The following PPP1R13B variants were observed in gnomAD, a reference collection of about 807,000 sequenced individuals.
The protein encoded by PPP1R13B is protein phosphatase 1 regulatory subunit 13B, also known as apoptosis-stimulating of p53 protein 1.
A neutral mutation model predicts 119.8 loss-of-function variants in PPP1R13B; 44 were observed. That is an observed-to-expected ratio of 0.37 (90% CI 0.29 to 0.47). PPP1R13B has a LOEUF of 0.47. PPP1R13B is among the 20% of genes least tolerant of loss of function. The pLI is 0.99. For missense variants in PPP1R13B, 1,227 were observed against 1,413.5 expected (o/e 0.87, Z 2.12); for synonymous variants, 542 against 561.5 (o/e 0.97, Z 0.49).
chr14:103,783,419 C>T (rs535172668), intron 3 of PPP1R13B, among the ~76,000 whole-genome samples: 200 of 151,696 alleles, frequency 1.3e-3, no homozygotes, highest in African/African-American at 4.5e-3. Context: ...ACCACCACAT[C>T]GGGCTAATTT....
At position 103,740,216 on chromosome 14, in the gene PPP1R13B, C is replaced by T; in HGVS notation, c.2200G>A (p.Ala734Thr). The change falls in exon 12 of 17, where the codon GCC (alanine) becomes ACC (threonine). Residue 734 changes from alanine to threonine, a missense_variant. Physicochemically the swap from Ala to Thr is moderately conservative, Grantham distance 58 (BLOSUM62 0). Coordinates refer to ENST00000202556, the MANE Select transcript of PPP1R13B (RefSeq NM_015316.3). This position sits in a 1 kb window ranked among gnomAD's most constrained non-coding sequence, Gnocchi z 4.6. ...AAAGGGGTGCCCTCCATGCCACCGG[C>T]CAGGGTGTTGAAGCGCTGGTACAGC... ...KLLYQRFNTL[A>T]GGMEGTPFYQ... is the part of the protein sequence containing the mutation. The T allele has an allele frequency of 6.2e-7, 1 of 1,613,680 alleles. No homozygotes were observed. Among genetic ancestry groups the T allele is most frequent in the Non-Finnish European group, 8.5e-7 (1 of 1,179,908 alleles).
chr14:103,749,839 C>T lies in PPP1R13B; in HGVS notation c.924G>A (p.Lys308=). ...KRNMEVAMMD[K]RISELRERLY... ...GACGTTCACGCAGTTCACTGATTCG[C>T]TTGTCCATCATGGCCACCTCCATGT... Residue 308 remains lysine (K), a synonymous_variant, in exon 8 of 17, where the codon AAG becomes AAA. Transcript: ENST00000202556. 7 of 1,614,130 alleles carry T rather than the reference C, an allele frequency of 4.3e-6. No homozygotes were observed. Among genetic ancestry groups the T allele is most frequent in the Non-Finnish European group, 4.2e-6 (5 of 1,180,018 alleles).
At chr14:103,735,964 C>T (rs1422780439) in intron 16 of PPP1R13B, 39 bp downstream of exon 16, 17 of 1,605,632 alleles carry the variant, frequency 1.1e-5, no homozygotes, top group Middle Eastern at 1.7e-4. Flanking sequence ...TACAGAGACA[C>T]GGGCAGCTAG....
intron 16 of PPP1R13B, 132 bp downstream of exon 16, chr14:103,735,870 TC>T: frequency 4.2e-6 from 4 of 963,548 alleles, no homozygotes; most frequent in Non-Finnish European, 6.2e-6. Flanking sequence ...AGTAGGCACC[TC>T]CCCCTCTACA....
intron 1 of PPP1R13B, among the ~76,000 whole-genome samples, chr14:103,812,133 T>G (rs905160755): frequency 1.9e-4 from 28 of 148,136 alleles, no homozygotes; most frequent in African/African-American, 6.1e-4. Flanking sequence ...TGTGGTTTTT[T>G]TTTTTTTTTT....
chr14:103,803,644 AAAATAAAT>A (rs992152306), intron 1 of PPP1R13B, among the ~76,000 whole-genome samples: 1 of 152,088 alleles, frequency 6.6e-6, no homozygotes, highest in Non-Finnish European at 1.5e-5. Flanking sequence ...CTCCGTCTCA[AAAATAAAT>A]AAATAAATAA....
rs191070268 is a variant in PPP1R13B, at chr14:103,810,824, C to T, written c.10-13306G>A. Among the ~76,000 whole-genome samples the T allele has an allele frequency of 6.5e-3, 977 of 150,920 alleles. 11 individuals are homozygous for T. The highest frequency in any genetic ancestry group is 0.023 in the African/African-American group (943 of 41,056). The stretch of plus-strand genomic sequence containing the variant: ...CTGCTTGAGGCTAGGTGTGGTGGCT[C>T]GTGCTTGTAATCCCAGCACTTTGGG... On this transcript the variant is annotated intron_variant, in intron 1 of 16. Coordinates refer to ENST00000202556, the MANE Select transcript of PPP1R13B (RefSeq NM_015316.3).
chr14:103,769,793 C>G (rs1235614770), intron 4 of PPP1R13B, among the ~76,000 whole-genome samples: 1 of 152,138 alleles, frequency 6.6e-6, no homozygotes, highest in Non-Finnish European at 1.5e-5. Context: ...TATCAAGATA[C>G]CTTATGAACA....
chr14:103,820,453 C>T (rs1296499303), intron 1 of PPP1R13B, among the ~76,000 whole-genome samples: 1 of 151,040 alleles, frequency 6.6e-6, no homozygotes, highest in Non-Finnish European at 1.5e-5. Context: ...GTATTTTTGA[C>T]ACAAAAATAA....
intron 1 of PPP1R13B, among the ~76,000 whole-genome samples, chr14:103,831,312 CTT>C (rs1210325705): frequency 7.3e-5 from 9 of 123,224 alleles, no homozygotes; most frequent in East Asian, 2.5e-4. Context: ...CATTCTTTTA[CTT>C]TTTTTTTTTT....
rs1364116247 is a variant in PPP1R13B, at chr14:103,818,493, A to G, written c.10-20975T>C. The G allele has an allele frequency of 9.2e-6, 9 of 982,678 alleles. No homozygotes were observed. The African/African-American group carries it at 1.4e-4, about 15-fold the overall frequency. The allele number at this position is 982,678 out of a possible 1,614,324, so 60.9% of individuals were successfully genotyped here. ...TATTGTCAGGTACCTGTTTTCACAC[A>G]GGGAGAAGAACGAATATTTTCTTGG... On this transcript the variant is annotated intron_variant, in intron 1 of 16. Transcript: ENST00000202556.
In PPP1R13B at chr14:103,738,467, C is replaced by T. The variant is rs1040916420; in HGVS notation, c.2864+212G>A. ...ATGACGAGGCACAGAAAGAGCATAA[C>T]CACAGCCACGTTTTTAACAAAATCA... On this transcript the variant is annotated intron_variant, in intron 14 of 16. Transcript: ENST00000202556. The surrounding 1 kb of genome is among the most constrained non-coding windows in gnomAD (Gnocchi z 5.6). The T allele has an allele frequency of 2.9e-6, 2 of 692,786 alleles. No homozygotes were observed. Among genetic ancestry groups the T allele is most frequent in the African/African-American group, 3.6e-5 (2 of 55,570 alleles). The allele number at this position is 692,786 out of a possible 1,614,324, so 42.9% of individuals were successfully genotyped here.
At chr14:103,782,361 A>G (rs2085357229) in intron 3 of PPP1R13B, among the ~76,000 whole-genome samples, 1 of 152,198 alleles carries the variant, frequency 6.6e-6, no homozygotes, top group Non-Finnish European at 1.5e-5. Flanking sequence ...TGCTGTGTAG[A>G]TGGACCCTAA....
In PPP1R13B at chr14:103,736,126, G is replaced by C; in HGVS notation, c.3108C>G (p.Asp1036Glu). ...CGTCCCCTTCGTGGAAGGACAGCTC[G>C]TCACTGTTCTGGGCCTCGTAGTCCC... is the stretch of plus-strand genomic sequence containing the variant. ...ALWDYEAQNS[D>E]ELSFHEGDAL... Residue 1036 changes from aspartate (D) to glutamate (E), a missense_variant, in exon 16 of 17, where the codon GAC becomes GAG. Physicochemically the swap from Asp to Glu is conservative, Grantham distance 45. Transcript: ENST00000202556. 1 of 1,614,216 alleles carries C rather than the reference G, an allele frequency of 6.2e-7. No homozygotes were observed. Among genetic ancestry groups the C allele is most frequent in the South Asian group, 1.1e-5 (1 of 91,088 alleles).
chr14:103,846,350 T>C (rs2087032489), intron 1 of PPP1R13B, among the ~76,000 whole-genome samples: 1 of 152,218 alleles, frequency 6.6e-6, no homozygotes, highest in Non-Finnish European at 1.5e-5. Flanking sequence ...CATAGCAGAA[T>C]GGCAATATTC....
chr14:103,827,293 G>A (rs12436297), intron 1 of PPP1R13B, among the ~76,000 whole-genome samples: 6,684 of 152,186 alleles, frequency 0.044, 188 homozygotes, highest in Middle Eastern at 0.11. Flanking sequence ...CAGAGATCGC[G>A]CCACTGCACT....
At position 103,736,049 on chromosome 14, in the gene PPP1R13B, G is replaced by A; in HGVS notation, c.3185C>T (p.Ala1062Val). The A allele has an allele frequency of 6.2e-7, 1 of 1,614,180 alleles. No homozygotes were observed. Among genetic ancestry groups the A allele is most frequent in the Admixed American group, 1.7e-5 (1 of 60,028 alleles). The change falls in exon 16 of 17, where the codon GCT (alanine) becomes GTT (valine). Residue 1062 changes from alanine (A) to valine (V), a missense_variant. Ala to Val is a moderately conservative substitution (Grantham distance 64, BLOSUM62 0). Coordinates refer to ENST00000202556, the MANE Select transcript of PPP1R13B (RefSeq NM_015316.3). Reference protein sequence around the residue: ...KDESETEWWWARLGDREGYVP... With the variant: ...KDESETEWWWVRLGDREGYVP... ...ATAGCCCTCCCGGTCTCCAAGGCGAGCCCACCACCACTCAGTCTCGCTTTC... is the reference window on the plus strand; with the variant it reads ...ATAGCCCTCCCGGTCTCCAAGGCGAACCCACCACCACTCAGTCTCGCTTTC...
Position 103,742,327 on chromosome 14 carries a change from C to A in PPP1R13B, c.1321-36G>T. The A allele has an allele frequency of 6.6e-7, 1 of 1,510,182 alleles. No homozygotes were observed. Among genetic ancestry groups the A allele is most frequent in the South Asian group, 1.3e-5 (1 of 76,608 alleles). 93.5% of individuals were successfully genotyped at this position (1,510,182 alleles called of 1,614,324 possible). ...GTGTTAAGAAGAAAAACAAAGTCACCCTTTGAACAGTTAAGAATATTTCCA... is the reference window on the plus strand; with the variant it reads ...GTGTTAAGAAGAAAAACAAAGTCACACTTTGAACAGTTAAGAATATTTCCA... On this transcript the variant is annotated intron_variant, in intron 10 of 16. Transcript: ENST00000202556. The surrounding 1 kb of genome is among the most constrained non-coding windows in gnomAD (Gnocchi z 4.9).
intron 1 of PPP1R13B, among the ~76,000 whole-genome samples, chr14:103,839,747 TACTC>T (rs1169367541): frequency 7.9e-5 from 12 of 152,170 alleles, no homozygotes; most frequent in Non-Finnish European, 1.6e-4. Flanking sequence ...CTTTCCCCCT[TACTC>T]ACTCTGCTCC....
Sources: gnomAD v4.1 joint callset for allele counts (sites outside exome capture counted in the v4.1 genomes callset) on GRCh38, gnomAD v4.1.1 for gene constraint, Gnocchi (gnomAD v3.1) non-coding constraint, MANE v1.5 for transcripts, NCBI Gene and HGNC (gene_info 2026-07-23, HGNC 2026-07-21) for gene names.